Variants in ANKS1B observed in about 807,000 individuals in gnomAD.
ANKS1B encodes the protein ankyrin repeat and sterile alpha motif domain-containing protein 1B.
In ANKS1B, 36 loss-of-function variants were observed where a neutral mutation model predicts 148.3. That is an observed-to-expected ratio of 0.24 (90% confidence interval 0.19 to 0.32). ANKS1B has a LOEUF of 0.32. ANKS1B is among the 10% of genes least tolerant of loss of function. The pLI, the probability that ANKS1B is intolerant of heterozygous loss-of-function variation, is 1.00. For synonymous variants in ANKS1B, 542 were observed against 560.8 expected (o/e 0.97, Z 0.47); for missense variants, 1,157 against 1,542.6 (o/e 0.75, Z 4.19).
Position 99,271,217 on chromosome 12 carries a change from G to T in ANKS1B, c.1757-24353C>A, listed in dbSNP as rs2077003465. Among the ~76,000 whole-genome samples, 4 of 152,112 alleles carry T rather than the reference G, an allele frequency of 2.6e-5. No homozygotes were observed. In the South Asian group the frequency reaches 8.3e-4, roughly 31 times the overall value. ...TTAGTTCAGTTATCTCCTGTGCCTA[G>T]AATGCCTTTGGTTGGCTGCTTTCTC... On this transcript the variant is annotated intron_variant, in intron 12 of 26. Coordinates refer to ENST00000683438, the MANE Select transcript of ANKS1B (RefSeq NM_001352186.2).
At chr12:99,230,324 T>TG (rs1017809617) in intron 14 of ANKS1B, among the ~76,000 whole-genome samples, 1 of 152,110 alleles carries the variant, frequency 6.6e-6, no homozygotes, top group East Asian at 1.9e-4. Context: ...CTTATCATCA[T>TG]GGGAAGTATG....
chr12:99,900,561 A>T (rs1171342301), intron 1 of ANKS1B, among the ~76,000 whole-genome samples: 1 of 151,732 alleles, frequency 6.6e-6, no homozygotes, highest in Non-Finnish European at 1.5e-5. Context: ...CACAATAGTG[A>T]CAAAAATATT....
chr12:99,122,996 A>AT (rs60748169), intron 15 of ANKS1B, among the ~76,000 whole-genome samples: 60 of 145,592 alleles, frequency 4.1e-4, no homozygotes, highest in South Asian at 4.1e-3. Flanking sequence ...ATTAAAAAAA[A>AT]AATATATATA....
intron 14 of ANKS1B, among the ~76,000 whole-genome samples, chr12:99,163,246 A>G (rs535566995): frequency 1.3e-5 from 2 of 152,106 alleles, no homozygotes; most frequent in East Asian, 3.8e-4. Context: ...TTTGCCTGAT[A>G]TACATCCTTT....
At chr12:99,539,842 T>C (rs973433185) in intron 9 of ANKS1B, among the ~76,000 whole-genome samples, 4 of 152,110 alleles carry the variant, frequency 2.6e-5, no homozygotes, top group African/African-American at 9.7e-5. Context: ...CACAAAATGC[T>C]GAGATTACAG....
intron 6 of ANKS1B, 34 bp from the exon 7 acceptor site, chr12:99,775,695 A>G: frequency 8.3e-7 from 1 of 1,206,732 alleles, no homozygotes; most frequent in Non-Finnish European, 1.2e-6. Flanking sequence ...TACATACTTG[A>G]ATTCATTTAT....
At chr12:99,695,942 G>A (rs12309600) in intron 8 of ANKS1B, among the ~76,000 whole-genome samples, 5,118 of 152,144 alleles carry the variant, frequency 0.034, 294 homozygotes, top group African/African-American at 0.11. Context: ...CTACTAGAGC[G>A]CGGAGGGTGG....
intron 10 of ANKS1B, among the ~76,000 whole-genome samples, chr12:99,484,360 C>T (rs1021287299): frequency 6.6e-6 from 1 of 151,570 alleles, no homozygotes; most frequent in Admixed American, 6.6e-5. Flanking sequence ...TTTGAGAAGA[C>T]ACTTATGATT....
chr12:99,120,606 A>G (rs1359142481), intron 15 of ANKS1B, among the ~76,000 whole-genome samples: 1 of 152,252 alleles, frequency 6.6e-6, no homozygotes, highest in African/African-American at 2.4e-5. Flanking sequence ...AGATGAAAAG[A>G]AATATTATCA....
chr12:99,965,475 A>G (rs893078132), intron 1 of ANKS1B, among the ~76,000 whole-genome samples: 3 of 152,210 alleles, frequency 2.0e-5, no homozygotes, highest in African/African-American at 7.2e-5. Context: ...TTAAAGGGGG[A>G]AAAAGGTAAT....
At position 99,655,175 on chromosome 12, in the gene ANKS1B, T is replaced by G. The variant is rs1201745252; in HGVS notation, c.1164A>C (p.Glu388Asp). The G allele has an allele frequency of 3.1e-6, 5 of 1,611,998 alleles. No individual in the cohort carries two copies. The highest frequency in any genetic ancestry group is 4.2e-6 in the Non-Finnish European group (5 of 1,178,764). ...TSSTINLSPG[E>D]VEEEDDDENT... ...TTTCATCATCATCCTCTTCTTCCAC[T>G]TCTCCTGGTGACAAATTGATTGTAG... Residue 388 changes from glutamate to aspartate, a missense_variant, in exon 9 of 27, where the codon GAA becomes GAC. Transcript: ENST00000683438.
At chr12:99,247,534 A>G (rs912443564) in intron 12 of ANKS1B, among the ~76,000 whole-genome samples, 2 of 152,188 alleles carry the variant, frequency 1.3e-5, no homozygotes, top group East Asian at 3.8e-4. Context: ...ATGAACACAA[A>G]GGTAGCTTTT....
intron 19 of ANKS1B, 60 bp from the exon 20 acceptor site, chr12:98,807,978 G>C: frequency 7.6e-7 from 1 of 1,312,460 alleles, no homozygotes. Flanking sequence ...AGCTACCAAG[G>C]TAGCATCCAG....
At chr12:99,351,041 A>T (rs928598490) in intron 12 of ANKS1B, among the ~76,000 whole-genome samples, 1 of 152,156 alleles carries the variant, frequency 6.6e-6, no homozygotes, top group Non-Finnish European at 1.5e-5. Flanking sequence ...TTTCAAAATC[A>T]CAAAGTGCTT....
chr12:98,763,227 G>A lies in ANKS1B; in HGVS notation c.3579+9815C>T, dbSNP rs113993927. Among the ~76,000 whole-genome samples, 111 of 152,166 alleles carry A rather than the reference G, an allele frequency of 7.3e-4. 1 individual carries two copies. Among genetic ancestry groups the A allele is most frequent in the African/African-American group, 2.4e-3 (98 of 41,510 alleles). On this transcript the variant is annotated intron_variant, in intron 25 of 26. Transcript: ENST00000683438. Reference sequence around the variant, plus strand: ...TCTACAACTTGCTTCACCCACGTCCGGAGGCAAAAATAACTTCGAGAATAT... The same window carrying A: ...TCTACAACTTGCTTCACCCACGTCCAGAGGCAAAAATAACTTCGAGAATAT...
intron 17 of ANKS1B, among the ~76,000 whole-genome samples, chr12:98,927,000 T>C (rs544652613): frequency 6.6e-6 from 1 of 151,998 alleles, no homozygotes; most frequent in Non-Finnish European, 1.5e-5. Context: ...AAACTATTAA[T>C]CCACACATGC....
intron 2 of ANKS1B, among the ~76,000 whole-genome samples, 153 bp from the exon 3 acceptor site, chr12:99,812,464 A>G (rs939892687): frequency 6.7e-6 from 1 of 149,896 alleles, no homozygotes; most frequent in Admixed American, 6.7e-5. Context: ...GTTTTTGCCT[A>G]CTCAACATTT....
At chr12:99,658,140 C>A (rs1406956540) in intron 8 of ANKS1B, among the ~76,000 whole-genome samples, 1 of 152,128 alleles carries the variant, frequency 6.6e-6, no homozygotes, top group African/African-American at 2.4e-5. Flanking sequence ...CCTTACTTGT[C>A]TGCACAGCGT....
At chr12:99,327,945 T>G (rs985470906) in intron 12 of ANKS1B, among the ~76,000 whole-genome samples, 7 of 151,848 alleles carry the variant, frequency 4.6e-5, no homozygotes, top group African/African-American at 7.3e-5. Context: ...CTATTTTCTG[T>G]GTGTGGTGAG....
Sources: gnomAD v4.1 joint callset for allele counts (sites outside exome capture counted in the v4.1 genomes callset) on GRCh38, gnomAD v4.1.1 for gene constraint, MANE v1.5 for transcripts, NCBI Gene and HGNC (gene_info 2026-07-23, HGNC 2026-07-21) for gene names.